Variants in ANO6 observed in about 807,000 individuals in gnomAD.
ANO6 encodes the protein anoctamin 6.
Under a neutral mutation model 117.5 loss-of-function variants are expected in ANO6, and 106 were observed. The observed-to-expected ratio is 0.90, with a 90% CI of 0.77 to 1.06. The LOEUF (loss-of-function observed/expected upper bound fraction) is 1.06, where lower values mean the gene tolerates loss of function less well. ANO6 is among the 50% of genes least tolerant of loss of function. The pLI is 0.00. For synonymous variants in ANO6, 367 were observed against 385.1 expected, an observed-to-expected ratio of 0.95 and a Z score of 0.55; for missense variants, 955 against 1,121.1, an observed-to-expected ratio of 0.85 and a Z score of 2.12.
At chr12:45,371,879 G>A (rs1204618024) in intron 9 of ANO6, among the ~76,000 whole-genome samples, 4 of 152,056 alleles carry the variant, frequency 2.6e-5, no homozygotes, top group African/African-American at 9.7e-5. Flanking sequence ...TTGACGAGCT[G>A]AGAGAAGAAG....
intron 1 of ANO6, among the ~76,000 whole-genome samples, chr12:45,289,407 C>T (rs1028727655): frequency 1.5e-4 from 23 of 151,972 alleles, no homozygotes; most frequent in African/African-American, 5.1e-4. Context: ...GTGATCCACC[C>T]GCCTTGGCCT....
chr12:45,216,601 G>A (rs573283042), intron 1 of ANO6, among the ~76,000 whole-genome samples: 13 of 152,354 alleles, frequency 8.5e-5, no homozygotes, highest in Admixed American at 4.6e-4. Flanking sequence ...GGGGCGCGTG[G>A]TGGCCCCGAG....
At chr12:45,350,835 T>C (rs1008288633) in intron 7 of ANO6, 61 bp downstream of exon 7, 3 of 1,341,770 alleles carry the variant, frequency 2.2e-6, no homozygotes, top group Non-Finnish European at 3.2e-6. Context: ...CCACAGCATC[T>C]GAATGTGACA....
chr12:45,354,592 A>G (rs1411838867), intron 7 of ANO6, among the ~76,000 whole-genome samples: 1 of 152,172 alleles, frequency 6.6e-6, no homozygotes, highest in Non-Finnish European at 1.5e-5. Context: ...GCATTTATTC[A>G]AGGAGTTGAA....
intron 2 of ANO6, among the ~76,000 whole-genome samples, chr12:45,306,212 G>A (rs1042716652): frequency 1.3e-5 from 2 of 152,130 alleles, no homozygotes; most frequent in African/African-American, 4.8e-5. Flanking sequence ...TCTAGAACTC[G>A]AGGTTATATA....
chr12:45,273,650 G>C (rs1173570585), intron 1 of ANO6, among the ~76,000 whole-genome samples: 1 of 152,166 alleles, frequency 6.6e-6, no homozygotes, highest in East Asian at 1.9e-4. Flanking sequence ...TTTGTAGAAT[G>C]GTTCTGTTCT....
chr12:45,325,280 G>T (rs1247475456), intron 2 of ANO6, among the ~76,000 whole-genome samples: 16 of 152,120 alleles, frequency 1.1e-4, no homozygotes, highest in Admixed American at 1.0e-3. Context: ...CAACTCTCTT[G>T]TCTAAGTGGA....
At chr12:45,316,978 T>A (rs1440901159) in intron 2 of ANO6, among the ~76,000 whole-genome samples, 1 of 149,442 alleles carries the variant, frequency 6.7e-6, no homozygotes, top group Non-Finnish European at 1.5e-5. Context: ...TTAAAAAATA[T>A]GTATTAATTC....
intron 2 of ANO6, among the ~76,000 whole-genome samples, chr12:45,323,072 T>C (rs1940334987): frequency 6.6e-6 from 1 of 152,228 alleles, no homozygotes; most frequent in African/African-American, 2.4e-5. Context: ...TTTATAATTC[T>C]TTAATGGTAT....
At chr12:45,330,326 C>G (rs1896025) in intron 2 of ANO6, among the ~76,000 whole-genome samples, 12 of 151,996 alleles carry the variant, frequency 7.9e-5, no homozygotes, top group African/African-American at 2.9e-4. Context: ...CTGTGCTAAT[C>G]GATAATGAAG....
intron 1 of ANO6, among the ~76,000 whole-genome samples, chr12:45,234,882 C>G (rs1331239574): frequency 6.6e-6 from 1 of 152,228 alleles, no homozygotes; most frequent in Admixed American, 6.5e-5. Flanking sequence ...TTGTCCTTTT[C>G]CTCCTCAGTT....
intron 2 of ANO6, among the ~76,000 whole-genome samples, chr12:45,305,423 G>A (rs916271308): frequency 2.0e-5 from 3 of 152,140 alleles, no homozygotes; most frequent in East Asian, 3.8e-4. Flanking sequence ...CATTGTTATT[G>A]TCTCTGACAT....
At chr12:45,342,776 G>A (rs1941017394) in intron 3 of ANO6, among the ~76,000 whole-genome samples, 1 of 152,196 alleles carries the variant, frequency 6.6e-6, no homozygotes, top group Non-Finnish European at 1.5e-5. Flanking sequence ...AGACACCACT[G>A]AAGTAAGGGC....
intron 3 of ANO6, among the ~76,000 whole-genome samples, chr12:45,339,964 T>C (rs1940934483): frequency 6.6e-6 from 1 of 152,170 alleles, no homozygotes; most frequent in East Asian, 1.9e-4. Context: ...TCATTAATTT[T>C]ACTACTTAGA....
chr12:45,377,641 A>T (rs191796130), intron 9 of ANO6, among the ~76,000 whole-genome samples: 5 of 152,258 alleles, frequency 3.3e-5, no homozygotes, highest in Admixed American at 3.3e-4. Flanking sequence ...GGATGATGAT[A>T]AAATGTAAAT....
chr12:45,259,512 C>T (rs987957764), intron 1 of ANO6, among the ~76,000 whole-genome samples: 1 of 152,174 alleles, frequency 6.6e-6, no homozygotes, highest in African/African-American at 2.4e-5. Context: ...CCTCCAGCTG[C>T]AATTGGCAGG....
chr12:45,348,573 T>G lies in ANO6; in HGVS notation c.689T>G (p.Phe230Cys). The change falls in exon 6 of 20, where the codon TTT (phenylalanine) becomes TGT (cysteine). Residue 230 changes from phenylalanine to cysteine, a missense_variant. Phe to Cys is a radical substitution (Grantham distance 205). Transcript: ENST00000320560. ...KYQVINNVSK[F>C]GINRLVNSGI... ...CAAGTGATAAACAATGTTAGCAAGT[T>G]TGGGATCAACAGACTTGTAAACTCT... 1 of 1,614,036 alleles carries G rather than the reference T, an allele frequency of 6.2e-7. No homozygotes were observed. Among genetic ancestry groups the G allele is most frequent in the Non-Finnish European group, 8.5e-7 (1 of 1,179,948 alleles).
intron 1 of ANO6, among the ~76,000 whole-genome samples, chr12:45,239,140 G>A (rs1287145641): frequency 6.6e-6 from 1 of 152,134 alleles, no homozygotes; most frequent in Non-Finnish European, 1.5e-5. Flanking sequence ...TTATACTTCT[G>A]GTAGAATTTG....
intron 10 of ANO6, 31 bp downstream of exon 10, chr12:45,378,144 A>C: frequency 3.2e-6 from 5 of 1,571,074 alleles, no homozygotes; most frequent in Non-Finnish European, 3.5e-6. Flanking sequence ...TCATGCACTC[A>C]ATTTGATAGT....
Sources: allele counts gnomAD v4.1 joint callset (sites outside exome capture counted in the v4.1 genomes callset), GRCh38; gene constraint gnomAD v4.1.1; transcripts MANE v1.5; gene names NCBI Gene and HGNC (gene_info 2026-07-23, HGNC 2026-07-21).